Variants in TMEM132B observed in about 807,000 individuals in gnomAD.
TMEM132B encodes transmembrane protein 132B.
A neutral mutation model predicts 90.8 loss-of-function variants in TMEM132B; 18 were observed. That is an observed-to-expected ratio of 0.20 (90% CI 0.14 to 0.29). TMEM132B has a LOEUF of 0.29. Ranked by LOEUF, TMEM132B falls within the 10% of genes least tolerant of loss-of-function variation. The pLI is 1.00. For missense variants in TMEM132B, 1,096 were observed against 1,326.8 expected, an observed-to-expected ratio of 0.83 and a Z score of 2.70; for synonymous variants, 504 against 523.3, an observed-to-expected ratio of 0.96 and a Z score of 0.50.
intron 4 of TMEM132B, among the ~76,000 whole-genome samples, chr12:125,569,144 G>A (rs563441199): frequency 5.1e-4 from 78 of 152,072 alleles, no homozygotes; most frequent in African/African-American, 1.7e-3. Context: ...GCTCATGTCC[G>A]TTGCCTGCTT....
rs999009267 is a variant in TMEM132B, at chr12:125,660,935, G to A, written c.*6225G>A. Reference sequence around the variant, plus strand: ...GGAGTAAAGCACTTTACAGAGAGATGGATGCCGCTTTGGGATTTGGGGTCT... The same window carrying A: ...GGAGTAAAGCACTTTACAGAGAGATAGATGCCGCTTTGGGATTTGGGGTCT... On this transcript the variant is annotated 3_prime_UTR_variant, in exon 9 of 9. Coordinates refer to ENST00000682704, the MANE Select transcript of TMEM132B (RefSeq NM_001366854.1). 1 of 152,220 alleles carries A rather than the reference G, an allele frequency of 6.6e-6. No individual in the cohort carries two copies. Among genetic ancestry groups the A allele is most frequent in the African/African-American group, 2.4e-5 (1 of 41,442 alleles). 9.4% of individuals were successfully genotyped at this position (152,220 alleles called of 1,614,324 possible).
chr12:125,465,683 T>A (rs137954024), intron 3 of TMEM132B, among the ~76,000 whole-genome samples: 2 of 152,242 alleles, frequency 1.3e-5, no homozygotes, highest in African/African-American at 2.4e-5. Flanking sequence ...TTACATACTT[T>A]ATTGCAATTT....
At chr12:125,390,049 C>T (rs950252330) in intron 2 of TMEM132B, among the ~76,000 whole-genome samples, 7 of 152,202 alleles carry the variant, frequency 4.6e-5, no homozygotes, top group Non-Finnish European at 1.0e-4. Flanking sequence ...CCCAGGGACT[C>T]CTCTCCTCTC....
intron 4 of TMEM132B, among the ~76,000 whole-genome samples, chr12:125,536,808 A>C (rs1298231839): frequency 3.9e-5 from 6 of 152,188 alleles, no homozygotes; most frequent in Admixed American, 2.6e-4. Flanking sequence ...TCACATGGCA[A>C]ATAGGGCTTT....
rs951416478 is a variant in TMEM132B, at chr12:125,369,239, C to T, written c.959+18896C>T. ...TGGCTGCATAGTATTCCATGGTGTACATGTGCCACATTTTCTTAATCTAGT... is the reference window on the plus strand; with the variant it reads ...TGGCTGCATAGTATTCCATGGTGTATATGTGCCACATTTTCTTAATCTAGT... On this transcript the variant is annotated intron_variant, in intron 2 of 8. Coordinates refer to ENST00000682704, the MANE Select transcript of TMEM132B (RefSeq NM_001366854.1). Among the ~76,000 whole-genome samples the T allele has an allele frequency of 2.0e-5, 3 of 152,176 alleles. No homozygotes were observed. In the South Asian group the frequency reaches 6.2e-4, roughly 31 times the overall value.
chr12:125,636,793 T>C (rs1015980156), intron 5 of TMEM132B, among the ~76,000 whole-genome samples: 4 of 152,238 alleles, frequency 2.6e-5, no homozygotes, highest in African/African-American at 9.6e-5. Context: ...GCCAGGATCA[T>C]GAAGGAAGCT....
In TMEM132B at chr12:125,490,878, T is replaced by C. The variant is rs192512212; in HGVS notation, c.1107-28561T>C. Among the ~76,000 whole-genome samples, 1 of 152,366 alleles carries C rather than the reference T, an allele frequency of 6.6e-6. No homozygotes were observed. Among genetic ancestry groups the C allele is most frequent in the East Asian group, 1.9e-4 (1 of 5,186 alleles). On this transcript the variant is annotated intron_variant, in intron 3 of 8. Transcript: ENST00000682704. The surrounding 1 kb of genome is among the most constrained non-coding windows in gnomAD (Gnocchi z 4.2). The stretch of plus-strand genomic sequence containing the variant: ...CTAGGTCTCAAAAAGCATTGCACTT[T>C]CTTCCTTGCTGTTTCTTGGATCATT...
chr12:125,411,582 G>A (rs1879841232), intron 2 of TMEM132B, among the ~76,000 whole-genome samples: 1 of 152,134 alleles, frequency 6.6e-6, no homozygotes, highest in Non-Finnish European at 1.5e-5. Flanking sequence ...TAGGGTACGT[G>A]TGAGGGGTTC....
chr12:125,518,782 G>A (rs1232819975), intron 3 of TMEM132B, among the ~76,000 whole-genome samples: 1 of 129,348 alleles, frequency 7.7e-6, no homozygotes, highest in African/African-American at 4.0e-5. Flanking sequence ...ATGAATTAAG[G>A]CAGGTGGGAT....
chr12:125,279,094 C>T (rs1324363664), intron 1 of TMEM132B, among the ~76,000 whole-genome samples: 1 of 152,190 alleles, frequency 6.6e-6, no homozygotes, highest in Non-Finnish European at 1.5e-5. Flanking sequence ...GGGCATTTAA[C>T]CATACCTTTG....
At chr12:125,509,023 ACCCT>A (rs1040310706) in intron 3 of TMEM132B, among the ~76,000 whole-genome samples, 35 of 150,624 alleles carry the variant, frequency 2.3e-4, no homozygotes, top group African/African-American at 8.6e-4. Flanking sequence ...GCCTTAAGTG[ACCCT>A]CCCGCCTCGG....
At chr12:125,550,987 AT>A (rs935480861) in intron 4 of TMEM132B, among the ~76,000 whole-genome samples, 3 of 152,096 alleles carry the variant, frequency 2.0e-5, no homozygotes, top group African/African-American at 7.2e-5. Flanking sequence ...TACTTTTTGT[AT>A]TTTTAGTAGA....
At chr12:125,449,405 T>A (rs1881091463) in intron 3 of TMEM132B, among the ~76,000 whole-genome samples, 1 of 152,256 alleles carries the variant, frequency 6.6e-6, no homozygotes, top group Admixed American at 6.5e-5. Context: ...ATTGCCCTTT[T>A]AATGTTTGCA....
At chr12:125,245,171 T>C (rs1333382872) in intron 1 of TMEM132B, among the ~76,000 whole-genome samples, 3 of 152,228 alleles carry the variant, frequency 2.0e-5, no homozygotes, top group African/African-American at 7.2e-5. Context: ...TATTGGTTGT[T>C]ATTTTTCTTT....
intron 2 of TMEM132B, among the ~76,000 whole-genome samples, chr12:125,378,506 C>G (rs1041560575): frequency 6.6e-6 from 1 of 152,186 alleles, no homozygotes; most frequent in Non-Finnish European, 1.5e-5. Flanking sequence ...CATCTTTAAC[C>G]CACAGTTTTT....
intron 5 of TMEM132B, among the ~76,000 whole-genome samples, chr12:125,624,717 C>T (rs2136978102): frequency 6.6e-6 from 1 of 152,324 alleles, no homozygotes; most frequent in East Asian, 1.9e-4. Context: ...TGTTCACGAT[C>T]TTACTAGAGT....
chr12:125,413,644 G>A (rs945355826), intron 2 of TMEM132B, among the ~76,000 whole-genome samples: 4 of 152,168 alleles, frequency 2.6e-5, no homozygotes, highest in South Asian at 4.1e-4. Context: ...TCACGTTATC[G>A]AGGTTCATCA....
chr12:125,545,869 T>C (rs1443533990), intron 4 of TMEM132B, among the ~76,000 whole-genome samples: 1 of 152,198 alleles, frequency 6.6e-6, no homozygotes, highest in Non-Finnish European at 1.5e-5. Flanking sequence ...ACTTTTTTGA[T>C]TAAGCCAATA....
chr12:125,506,595 C>A (rs2136617335), intron 3 of TMEM132B, among the ~76,000 whole-genome samples: 1 of 152,228 alleles, frequency 6.6e-6, no homozygotes, highest in South Asian at 2.1e-4. Context: ...ACTTATGGCT[C>A]TTTCCATGCA....
Sources: allele counts gnomAD v4.1 joint callset (sites outside exome capture counted in the v4.1 genomes callset), GRCh38; gene constraint gnomAD v4.1.1; non-coding constraint Gnocchi (gnomAD v3.1); transcripts MANE v1.5; gene names NCBI Gene and HGNC (gene_info 2026-07-23, HGNC 2026-07-21).